Variants in JMJD1C observed in about 807,000 individuals in gnomAD.
The protein encoded by JMJD1C is jumonji domain containing 1C, also known as jumonji domain-containing protein 1C.
A neutral mutation model predicts 245.3 loss-of-function variants in JMJD1C; 31 were observed. The observed-to-expected ratio is 0.13, with a 90% CI of 0.09 to 0.17. JMJD1C has a LOEUF of 0.17. Ranked by LOEUF, JMJD1C falls within the 10% of genes least tolerant of loss-of-function variation. JMJD1C has a pLI of 1.00. For synonymous variants in JMJD1C, 1,057 were observed against 1,017.4 expected (o/e 1.04, Z -0.74); for missense variants, 2,691 against 3,000.2 (o/e 0.90, Z 2.41).
chr10:63,331,690 A>G (rs754498764), intron 2 of JMJD1C, among the ~76,000 whole-genome samples: 3 of 152,146 alleles, frequency 2.0e-5, no homozygotes, highest in Non-Finnish European at 2.9e-5. Flanking sequence ...TCAGCTCACT[A>G]TAACCTCTGC....
At chr10:63,493,249 C>CTTTTTTTTTTTTTTTTTTTTT (rs752941477) in intron 1 of JMJD1C, among the ~76,000 whole-genome samples, 2 of 49,136 alleles carry the variant, frequency 4.1e-5, no homozygotes, top group African/African-American at 8.6e-5. Flanking sequence ...ACTGTTATTT[C>CTTTTTTTTTTTTTTTTTTTTT]TTTTTTTTTT....
intron 3 of JMJD1C, among the ~76,000 whole-genome samples, chr10:63,253,627 C>G (rs1853418510): frequency 3.3e-5 from 5 of 152,124 alleles, no homozygotes; most frequent in Admixed American, 2.0e-4. Context: ...CTCAGGTGAT[C>G]CGCCCACTTC....
intron 1 of JMJD1C, among the ~76,000 whole-genome samples, chr10:63,514,755 T>C (rs927992827): frequency 5.9e-5 from 9 of 151,818 alleles, no homozygotes; most frequent in Admixed American, 5.9e-4. Context: ...ACCACACACA[T>C]GTACCCCAGA....
intron 1 of JMJD1C, among the ~76,000 whole-genome samples, chr10:63,393,054 C>T (rs1948205372): frequency 6.6e-6 from 1 of 151,990 alleles, no homozygotes; most frequent in South Asian, 2.1e-4. Flanking sequence ...ATCACCTGCG[C>T]CCAGGAGTTT....
intron 1 of JMJD1C, among the ~76,000 whole-genome samples, chr10:63,459,943 C>T (rs1952668455): frequency 6.6e-6 from 1 of 152,166 alleles, no homozygotes; most frequent in Non-Finnish European, 1.5e-5. Context: ...TACTATTAAC[C>T]TCTCTATGTC....
chr10:63,368,544 A>C (rs1345685070), intron 2 of JMJD1C, among the ~76,000 whole-genome samples: 2 of 152,198 alleles, frequency 1.3e-5, no homozygotes, highest in Non-Finnish European at 2.9e-5. Context: ...GTAAGGGTCA[A>C]TTCTGCTGAG....
At chr10:63,442,310 T>C (rs1370700983) in intron 1 of JMJD1C, among the ~76,000 whole-genome samples, 2 of 152,178 alleles carry the variant, frequency 1.3e-5, no homozygotes, top group Admixed American at 1.3e-4. Flanking sequence ...AAATCTAGGA[T>C]ACCAGAGAAC....
intron 1 of JMJD1C, among the ~76,000 whole-genome samples, chr10:63,388,952 C>G (rs1004846807): frequency 3.3e-5 from 5 of 152,110 alleles, no homozygotes; most frequent in African/African-American, 1.2e-4. Flanking sequence ...GAGATTGATT[C>G]ATCAAGAAAA....
intron 1 of JMJD1C, among the ~76,000 whole-genome samples, chr10:63,488,046 A>C (rs1413325869): frequency 6.6e-6 from 1 of 152,216 alleles, no homozygotes; most frequent in Non-Finnish European, 1.5e-5. Context: ...TTCACCCCAG[A>C]ATGAGTGAAT....
chr10:63,462,860 A>G (rs1952893945), intron 1 of JMJD1C, among the ~76,000 whole-genome samples: 2 of 152,218 alleles, frequency 1.3e-5, no homozygotes, highest in South Asian at 4.1e-4. Context: ...TAACATTTAA[A>G]CCACCAAGAT....
At chr10:63,384,656 G>C (rs1947453797) in intron 1 of JMJD1C, among the ~76,000 whole-genome samples, 1 of 152,136 alleles carries the variant, frequency 6.6e-6, no homozygotes, top group Non-Finnish European at 1.5e-5. Context: ...TCCATTTACA[G>C]AGCACCTGCA....
chr10:63,231,363 A>G (rs1849963594), intron 3 of JMJD1C, among the ~76,000 whole-genome samples: 1 of 152,256 alleles, frequency 6.6e-6, no homozygotes, highest in African/African-American at 2.4e-5. Flanking sequence ...ACTTACTGCA[A>G]TTAGCCTGGT....
intron 2 of JMJD1C, among the ~76,000 whole-genome samples, chr10:63,317,588 T>C (rs1365479062): frequency 6.6e-6 from 1 of 152,204 alleles, no homozygotes; most frequent in African/African-American, 2.4e-5. Flanking sequence ...TTAAGATTCT[T>C]GACTCTGCAT....
chr10:63,194,559 A>G (rs553806254), intron 13 of JMJD1C, 184 bp from the exon 14 acceptor site: 2 of 470,466 alleles, frequency 4.3e-6, no homozygotes, highest in South Asian at 7.3e-5. Context: ...TTTGGTTCTG[A>G]AACAAGTCAG....
chr10:63,191,712 C>T (rs371705002), intron 16 of JMJD1C, among the ~76,000 whole-genome samples: 86 of 152,052 alleles, frequency 5.7e-4, no homozygotes, highest in African/African-American at 1.9e-3. Context: ...TGGCCGGGCG[C>T]GGTGGCTCAT....
At chr10:63,449,838 A>T (rs988204324) in intron 1 of JMJD1C, among the ~76,000 whole-genome samples, 2 of 152,104 alleles carry the variant, frequency 1.3e-5, no homozygotes, top group African/African-American at 4.8e-5. Context: ...AAGTTAGGCC[A>T]GGTGTGACGG....
At chr10:63,197,290 A>G in intron 13 of JMJD1C, 121 bp downstream of exon 13, 2 of 839,140 alleles carry the variant, frequency 2.4e-6, no homozygotes, top group South Asian at 4.0e-5. Context: ...ACAAACTGAA[A>G]AAAAATACTT....
At chr10:63,412,172 A>T (rs1949525335) in intron 1 of JMJD1C, among the ~76,000 whole-genome samples, 1 of 152,040 alleles carries the variant, frequency 6.6e-6, no homozygotes, top group Admixed American at 6.5e-5. Flanking sequence ...GTAATTTTTG[A>T]CTCCCCATAA....
chr10:63,474,566 T>C (rs185168539), intron 1 of JMJD1C, among the ~76,000 whole-genome samples: 120 of 152,124 alleles, frequency 7.9e-4, no homozygotes, highest in East Asian at 1.5e-3. Context: ...TCCTCCTGCC[T>C]CAGCCTCCCA....
Sources: gnomAD v4.1 joint callset for allele counts (sites outside exome capture counted in the v4.1 genomes callset) on GRCh38, gnomAD v4.1.1 for gene constraint, MANE v1.5 for transcripts, NCBI Gene and HGNC (gene_info 2026-07-23, HGNC 2026-07-21) for gene names.